The following DYRK1B variants were observed in gnomAD, a reference collection of about 807,000 sequenced individuals.
The protein encoded by DYRK1B is dual specificity tyrosine-phosphorylation-regulated kinase 1B.
In DYRK1B, 20 loss-of-function variants were observed where a neutral mutation model predicts 57.1. The observed-to-expected ratio is 0.35, with a 90% confidence interval of 0.25 to 0.51. DYRK1B has a LOEUF of 0.51. Ranked by LOEUF, DYRK1B falls within the 20% of genes least tolerant of loss-of-function variation. The pLI is 0.96. For synonymous variants in DYRK1B, 409 were observed against 384.7 expected (o/e 1.06, Z -0.74); for missense variants, 732 against 886.3 (o/e 0.83, Z 2.21).
Position 39,825,652 on chromosome 19 carries a change from A to C in DYRK1B, c.*63T>G. On this transcript the variant is annotated 3_prime_UTR_variant, in exon 11 of 11. Coordinates refer to ENST00000323039, the MANE Select transcript of DYRK1B (RefSeq NM_004714.3). ...AGTCAAGGAGAGAGATGAGGATGGG[A>C]GCCCAGGGCCCCCAGATGGGGGAGG... 6.8e-7 allele frequency: 1 copy of C among 1,475,926 alleles called. No individual in the cohort carries two copies. Among genetic ancestry groups the C allele is most frequent in the African/African-American group, 1.4e-5 (1 of 71,532 alleles). The allele number at this position is 1,475,926 out of a possible 1,614,324, so 91.4% of individuals were successfully genotyped here.
Position 39,827,204 on chromosome 19 carries a change from G to A in DYRK1B, c.1095+81C>T, listed in dbSNP as rs1247185060. The A allele has an allele frequency of 1.3e-5, 20 of 1,498,608 alleles. 1 individual carries two copies. In the Admixed American group the frequency reaches 3.1e-4, roughly 23 times the overall value. The allele number at this position is 1,498,608 out of a possible 1,614,324, so 92.8% of individuals were successfully genotyped here. ...GTGGAAGGAAGGGAAAGACACAAGG[G>A]AGAGGGAGCAGGGGGAGAGAGCCCC... On this transcript the variant is annotated intron_variant, in intron 8 of 10. Transcript: ENST00000323039.
chr19:39,826,667 C>A lies in DYRK1B; in HGVS notation c.1411+5G>T. 6.3e-7 allele frequency: 1 copy of A among 1,595,296 alleles called. No individual in the cohort carries two copies. On this transcript the variant is annotated splice_donor_5th_base_variant and intron_variant, in intron 9 of 10. Coordinates refer to ENST00000323039, the MANE Select transcript of DYRK1B (RefSeq NM_004714.3). The surrounding 1 kb of genome is among the most constrained non-coding windows in gnomAD (Gnocchi z 6.3). The stretch of plus-strand genomic sequence containing the variant: ...TGTACCCCATTTGGGCACCTGGGCA[C>A]CCACCAGAACTGGAGATGGAGCTGG...
At chr19:39,833,548 G>A (rs572644507) in intron 1 of DYRK1B, 188 of 167,480 alleles carry the variant, frequency 1.1e-3, no homozygotes, top group African/African-American at 4.4e-3. Flanking sequence ...GGGGCGACAC[G>A]CCCCACCCTG....
rs148897290 is a variant in DYRK1B at position 39,827,325 on chromosome 19, C to G, written c.1055G>C (p.Gly352Ala). The change falls in exon 8 of 11, where the codon GGG (glycine) becomes GCG (alanine). Residue 352 changes from glycine (G) to alanine (A), a missense_variant. Gly to Ala is a moderately conservative substitution (Grantham distance 60). This residue lies in a region of DYRK1B where 510 missense variants were observed against 681.3 expected (regional missense o/e 0.75). Transcript: ENST00000323039. ...CGTCCTTCGTAGGGTCCAGCCACCCCCAGGCAGCCGTTCAAAGTACTTGCG... is the reference window on the plus strand; with the variant it reads ...CGTCCTTCGTAGGGTCCAGCCACCCGCAGGCAGCCGTTCAAAGTACTTGCG... ...KARKYFERLP[G>A]GGWTLRRTKE... is the part of the protein sequence containing the mutation. 3.7e-4 allele frequency: 591 copies of G among 1,613,698 alleles called. 6 individuals carry two copies. Among genetic ancestry groups the G allele is most frequent in the South Asian group, 2.9e-3 (267 of 91,080 alleles).
Position 39,826,550 on chromosome 19 carries a change from T to A in DYRK1B, c.1411+122A>T. 1 of 1,157,836 alleles carries A rather than the reference T, an allele frequency of 8.6e-7. No individual in the cohort carries two copies. The highest frequency in any genetic ancestry group is 1.2e-6 in the Non-Finnish European group (1 of 856,812). 71.7% of individuals were successfully genotyped at this position (1,157,836 alleles called of 1,614,324 possible). A position where few individuals can be genotyped will look rare whatever the true frequency, so the allele number is the denominator to read the frequency against. On this transcript the variant is annotated intron_variant, in intron 9 of 10. Coordinates refer to ENST00000323039, the MANE Select transcript of DYRK1B (RefSeq NM_004714.3). This position sits in a 1 kb window ranked among gnomAD's most constrained non-coding sequence, Gnocchi z 6.3. ...TGGAGCTCTCCCATCCCACACGTCA[T>A]CTTACAGTTCAGGATCAGTTTCGGC...
chr19:39,831,817 C>G lies in DYRK1B; in HGVS notation c.51G>C (p.Gln17His), dbSNP rs1968827067. ...HGPFSGFPGP[Q>H]EHTQVLPDVR... Reference sequence around the variant, plus strand: ...GCTGAACGCGTACCTGCGTGTGCTCCTGGGGCCCTGGGAAGCCAGAGAAGG... The same window carrying G: ...GCTGAACGCGTACCTGCGTGTGCTCGTGGGGCCCTGGGAAGCCAGAGAAGG... The change falls in exon 2 of 11, where the codon CAG becomes CAC. Residue 17 changes from glutamine to histidine, a missense_variant. Gln to His is a conservative substitution (Grantham distance 24). Coordinates refer to ENST00000323039, the MANE Select transcript of DYRK1B (RefSeq NM_004714.3). 1 of 1,545,706 alleles carries G rather than the reference C, an allele frequency of 6.5e-7. No homozygotes were observed. The highest frequency in any genetic ancestry group is 1.4e-5 in the African/African-American group (1 of 72,770).
chr19:39,833,378 C>A lies in DYRK1B; in HGVS notation c.-102+645G>T, dbSNP rs1397117390. 7.1e-6 allele frequency: 7 copies of A among 984,536 alleles called. No homozygotes were observed. The African/African-American group carries it at 1.2e-4, about 17-fold the overall frequency. The allele number at this position is 984,536 out of a possible 1,614,324, so 61.0% of individuals were successfully genotyped here. ...GTGGCGGCGCTGAAAAGGCGACCGCCTGTCTCTGGCCCGGCCGGCCCCGCG... is the reference window on the plus strand; with the variant it reads ...GTGGCGGCGCTGAAAAGGCGACCGCATGTCTCTGGCCCGGCCGGCCCCGCG... On this transcript the variant is annotated intron_variant, in intron 1 of 10. Transcript: ENST00000323039.
At position 39,827,498 on chromosome 19, in the gene DYRK1B, C is replaced by T. The variant is rs201207939; in HGVS notation, c.954+12G>A. ...CCCTCCACCTCCAGCACACCCCTTC[C>T]TGGGGGCACACCTCATTGGAGCCAC... On this transcript the variant is annotated intron_variant, in intron 7 of 10. Transcript: ENST00000323039. The T allele has an allele frequency of 4.0e-4, 649 of 1,612,118 alleles. 6 individuals carry two copies. In the African/African-American group the frequency reaches 7.4e-3, roughly 18 times the overall value.
Position 39,826,561 on chromosome 19 carries a change from A to T in DYRK1B, c.1411+111T>A. 1.6e-6 allele frequency: 2 copies of T among 1,219,114 alleles called. No homozygotes were observed. Among genetic ancestry groups the T allele is most frequent in the Admixed American group, 3.1e-5 (1 of 32,546 alleles). The allele number at this position is 1,219,114 out of a possible 1,614,324, so 75.5% of individuals were successfully genotyped here. On this transcript the variant is annotated intron_variant, in intron 9 of 10. Transcript: ENST00000323039. The surrounding 1 kb of genome is among the most constrained non-coding windows in gnomAD (Gnocchi z 6.3). ...CATCCCACACGTCATCTTACAGTTC[A>T]GGATCAGTTTCGGCGCTTTGTGTGA...
In DYRK1B at chr19:39,825,528, T is replaced by C. The variant is rs1599635464; in HGVS notation, c.*187A>G. On this transcript the variant is annotated 3_prime_UTR_variant, in exon 11 of 11. Coordinates refer to ENST00000323039, the MANE Select transcript of DYRK1B (RefSeq NM_004714.3). ...GAGAGGGGCCCAAGGGTCCAGTCCT[T>C]AGTGGGGAGGGAGCGGCCAAAACCC... The C allele has an allele frequency of 4.9e-5, 30 of 608,486 alleles. No individual in the cohort carries two copies. In the East Asian group the frequency reaches 8.5e-4, roughly 17 times the overall value. The allele number at this position is 608,486 out of a possible 1,614,324, so 37.7% of individuals were successfully genotyped here. A position where few individuals can be genotyped will look rare whatever the true frequency, so the allele number is the denominator to read the frequency against.
At chr19:39,832,509 G>A (rs1968864933) in intron 1 of DYRK1B, among the ~76,000 whole-genome samples, 1 of 152,026 alleles carries the variant, frequency 6.6e-6, no homozygotes, top group South Asian at 2.1e-4. Flanking sequence ...AGAACTCTAG[G>A]ATTCCCAAAC....
chr19:39,829,758 C>A (rs1339479408), intron 5 of DYRK1B, 122 bp downstream of exon 5: 9 of 1,160,216 alleles, frequency 7.8e-6, no homozygotes, highest in African/African-American at 1.6e-5. Context: ...GAAGCACAGA[C>A]CAAACCCTGC....
Position 39,831,798 on chromosome 19 carries a change from C to T in DYRK1B, c.63+7G>A, listed in dbSNP as rs563238934. 1.2e-4 allele frequency: 185 copies of T among 1,548,770 alleles called. 1 individual carries two copies. The Admixed American group carries it at 2.3e-3, about 20-fold the overall frequency. ...CCACGCAGGTGAGGAGCCAGCTGAA[C>T]GCGTACCTGCGTGTGCTCCTGGGGC... On this transcript the variant is annotated splice_region_variant and intron_variant, in intron 2 of 10. Transcript: ENST00000323039.
chr19:39,825,892 G>A lies in DYRK1B; in HGVS notation c.1713C>T (p.Gly571=). The change falls in exon 11 of 11, where the codon GGC becomes GGT. Residue 571 remains glycine (G), a synonymous_variant. Coordinates refer to ENST00000323039, the MANE Select transcript of DYRK1B (RefSeq NM_004714.3). ...PELMDVSLVG[G]PADCSPPHPA... ...GGTGAGGTGGGGAGCAGTCAGCAGG[G>A]CCGCCCACCAGGCTCACATCCATCA... 1 of 1,580,408 alleles carries A rather than the reference G, an allele frequency of 6.3e-7. No homozygotes were observed.
chr19:39,827,014 G>GGGGGGGGGGGGGGGGGGGGCC, intron 8 of DYRK1B, 27 bp from the exon 9 acceptor site: 1 of 419,602 alleles, frequency 2.4e-6, no homozygotes, highest in Non-Finnish European at 4.3e-6. Context: ...GGGAGGGGGG[G>GGGGGGGGGGGGGGGGGGGGCC]CAAGAGAGTG....
rs1599637720 is a variant in DYRK1B at position 39,826,589 on chromosome 19, A to C, written c.1411+83T>G. 7.2e-7 allele frequency: 1 copy of C among 1,389,248 alleles called. No homozygotes were observed. Among genetic ancestry groups the C allele is most frequent in the Non-Finnish European group, 9.5e-7 (1 of 1,052,344 alleles). The allele number at this position is 1,389,248 out of a possible 1,614,324, so 86.1% of individuals were successfully genotyped here. ...ATCAGTTTCGGCGCTTTGTGTGAAG[A>C]CCCAGTAACCAGGTCCCCCAGGACA... On this transcript the variant is annotated intron_variant, in intron 9 of 10. Transcript: ENST00000323039. This position sits in a 1 kb window ranked among gnomAD's most constrained non-coding sequence, Gnocchi z 6.3.
Position 39,825,610 on chromosome 19 carries a change from TG to T in DYRK1B, c.*104del. 7.8e-7 allele frequency: 1 copy of T among 1,280,314 alleles called. No individual in the cohort carries two copies. The highest frequency in any genetic ancestry group is 1.1e-6 in the Non-Finnish European group (1 of 926,812). The allele number at this position is 1,280,314 out of a possible 1,614,324, so 79.3% of individuals were successfully genotyped here. On this transcript the variant is annotated 3_prime_UTR_variant, in exon 11 of 11. Coordinates refer to ENST00000323039, the MANE Select transcript of DYRK1B (RefSeq NM_004714.3). ...CAGTGCAGGCCTCACCCACCCCAGC[TG>T]GGTAGCAGCAATTCCAGTCAAGGAG...
intron 1 of DYRK1B, chr19:39,833,506 G>A (rs1968928344): frequency 4.3e-6 from 1 of 233,312 alleles, no homozygotes; most frequent in Non-Finnish European, 7.0e-6. Flanking sequence ...CCCAGGGCAC[G>A]CGGGGGAAGA....
intron 2 of DYRK1B, 28 bp from the exon 3 acceptor site, chr19:39,830,811 T>A (rs772738846): frequency 6.3e-7 from 1 of 1,593,860 alleles, no homozygotes; most frequent in South Asian, 1.1e-5. Flanking sequence ...GGGTGGGCAC[T>A]GAGGACGTGC....
Sources: gnomAD v4.1 joint callset for allele counts (sites outside exome capture counted in the v4.1 genomes callset) on GRCh38, gnomAD v4.1.1 for gene constraint, gnomAD v4.1.1 regional missense constraint, Gnocchi (gnomAD v3.1) non-coding constraint, MANE v1.5 for transcripts, NCBI Gene and HGNC (gene_info 2026-07-23, HGNC 2026-07-21) for gene names.